The following STC1 variants were observed in gnomAD, a reference collection of about 807,000 sequenced individuals.
STC1 encodes the protein stanniocalcin-1.
A neutral mutation model predicts 22.6 loss-of-function variants in STC1; 7 were observed. The observed-to-expected ratio is 0.31, with a 90% CI of 0.18 to 0.58. The LOEUF (loss-of-function observed/expected upper bound fraction) is 0.58. Ranked by LOEUF, STC1 falls within the 20% of genes least tolerant of loss-of-function variation. STC1 has a pLI of 0.89. For synonymous variants in STC1, 113 were observed against 120.7 expected (o/e 0.94, Z 0.42); for missense variants, 224 against 311.0 (o/e 0.72, Z 2.10).
intron 3 of STC1, among the ~76,000 whole-genome samples, chr8:23,848,529 C>CA (rs796433655): frequency 0.08 from 5,092 of 63,514 alleles, 425 homozygotes; most frequent in Middle Eastern, 0.15. Flanking sequence ...GATACTCTGT[C>CA]AAAAAAAAAA....
Position 23,844,426 on chromosome 8 carries a change from C to T in STC1, c.*344G>A, listed in dbSNP as rs540652480. On this transcript the variant is annotated 3_prime_UTR_variant, in exon 4 of 4. Coordinates refer to ENST00000290271, the MANE Select transcript of STC1 (RefSeq NM_003155.3). ...GGGGCAACCGTTCTAAAGGGATCCA[C>T]ATCTTCAAATTACAATGGCTGGAGA... 97 of 320,676 alleles carry T rather than the reference C, an allele frequency of 3.0e-4. No individual in the cohort carries two copies. The highest frequency in any genetic ancestry group is 2.0e-3 in the African/African-American group (94 of 47,984). The allele number at this position is 320,676 out of a possible 1,614,324, so 19.9% of individuals were successfully genotyped here. A position where few individuals can be genotyped will look rare whatever the true frequency, so the allele number is the denominator to read the frequency against.
At chr8:23,849,516 C>G (rs1280550416) in intron 3 of STC1, among the ~76,000 whole-genome samples, 2 of 151,994 alleles carry the variant, frequency 1.3e-5, no homozygotes, top group African/African-American at 4.8e-5. Flanking sequence ...AAATAAGGCA[C>G]TGATTAGAAG....
Position 23,843,042 on chromosome 8 carries a change from A to G in STC1, c.*1728T>C, listed in dbSNP as rs1802532249. 2.0e-5 allele frequency: 3 copies of G among 152,548 alleles called. No individual in the cohort carries two copies. Among genetic ancestry groups the G allele is most frequent in the Admixed American group, 6.6e-5 (1 of 15,246 alleles). The allele number at this position is 152,548 out of a possible 1,614,324, so 9.4% of individuals were successfully genotyped here. ...GTCAAATCTTGAGTTTAGCCTAGTG[A>G]GAGTCAAGCACCAATAGTTTCTACC... On this transcript the variant is annotated 3_prime_UTR_variant, in exon 4 of 4. Coordinates refer to ENST00000290271, the MANE Select transcript of STC1 (RefSeq NM_003155.3).
chr8:23,853,860 G>A (rs942233173), intron 1 of STC1, among the ~76,000 whole-genome samples: 4 of 152,088 alleles, frequency 2.6e-5, no homozygotes, highest in Non-Finnish European at 5.9e-5. Context: ...CAGGGTTGGG[G>A]GTGGGATGTA....
rs138527093 is a variant in STC1 at position 23,849,796 on chromosome 8, A to T, written c.473+1524T>A. 3.4e-3 allele frequency among the ~76,000 whole-genome samples: 510 copies of T among 152,102 alleles called. 2 individuals carry two copies. The highest frequency in any genetic ancestry group is 7.6e-3 in the Admixed American group (116 of 15,270). On this transcript the variant is annotated intron_variant, in intron 3 of 3. Transcript: ENST00000290271. ...CCACCCCTAACTACCACACAAACAC[A>T]TACTTTGTCCTTAGCCCCTGTCTGG...
In STC1 at chr8:23,854,726, C is replaced by CGCTGCTGCTGCTGCTGCCACCGCCGCT. The variant is rs1280458859; in HGVS notation, c.-230_-204dup. The CGCTGCTGCTGCTGCTGCCACCGCCGCT allele has an allele frequency of 7.6e-6, 5 of 656,670 alleles. No homozygotes were observed. Among genetic ancestry groups the CGCTGCTGCTGCTGCTGCCACCGCCGCT allele is most frequent in the Non-Finnish European group, 1.1e-5 (4 of 355,220 alleles). The allele number at this position is 656,670 out of a possible 1,614,324, so 40.7% of individuals were successfully genotyped here. On this transcript the variant is annotated 5_prime_UTR_variant, in exon 1 of 4. Transcript: ENST00000290271. ...CCTCCGCTGCTGCTGCTGCTGCCGC[C>CGCTGCTGCTGCTGCTGCCACCGCCGCT]GCTGCTGCTGCTGCTGCCACCGCCG...
intron 3 of STC1, among the ~76,000 whole-genome samples, chr8:23,847,837 A>T (rs1161651114): frequency 6.6e-6 from 1 of 152,194 alleles, no homozygotes; most frequent in African/African-American, 2.4e-5. Flanking sequence ...TCCTTTTGGG[A>T]GAGAAAGGAC....
intron 1 of STC1, 110 bp downstream of exon 1, chr8:23,854,296 A>T: frequency 9.3e-7 from 1 of 1,080,592 alleles, no homozygotes; most frequent in Non-Finnish European, 1.4e-6. Flanking sequence ...GCCATCAGGC[A>T]TGAAGCACAT....
At position 23,843,462 on chromosome 8, in the gene STC1, C is replaced by A. The variant is rs975460638; in HGVS notation, c.*1308G>T. On this transcript the variant is annotated 3_prime_UTR_variant, in exon 4 of 4. Coordinates refer to ENST00000290271, the MANE Select transcript of STC1 (RefSeq NM_003155.3). ...TATACTCTCTCAGCCCCAAGTCCCC[C>A]GGACTAAAGACCTAAAGGCTGATTG... is the stretch of plus-strand genomic sequence containing the variant. 1 of 152,594 alleles carries A rather than the reference C, an allele frequency of 6.6e-6. No individual in the cohort carries two copies. Among genetic ancestry groups the A allele is most frequent in the Non-Finnish European group, 1.5e-5 (1 of 68,036 alleles). The allele number at this position is 152,594 out of a possible 1,614,324, so 9.5% of individuals were successfully genotyped here.
At chr8:23,854,336 A>T in intron 1 of STC1, 70 bp downstream of exon 1, 1 of 1,344,794 alleles carries the variant, frequency 7.4e-7, no homozygotes, top group Non-Finnish European at 1.1e-6. Context: ...TCACAGACAC[A>T]GTTGCAAAAG....
intron 3 of STC1, among the ~76,000 whole-genome samples, chr8:23,849,218 G>A (rs140860231): frequency 4.6e-5 from 7 of 152,308 alleles, no homozygotes; most frequent in East Asian, 1.9e-4. Context: ...CTGACTTAGC[G>A]TGTGTCTATG....
chr8:23,851,226 C>T (rs1802633845), intron 3 of STC1, 94 bp downstream of exon 3: 1 of 1,180,886 alleles, frequency 8.5e-7, no homozygotes, highest in Admixed American at 1.7e-5. Flanking sequence ...AAGAGCATGA[C>T]TGTGGCAATT....
At chr8:23,849,512 G>A (rs1256873428) in intron 3 of STC1, among the ~76,000 whole-genome samples, 1 of 152,076 alleles carries the variant, frequency 6.6e-6, no homozygotes, top group African/African-American at 2.4e-5. Context: ...TTGAAAATAA[G>A]GCACTGATTA....
At chr8:23,852,098 G>T in intron 2 of STC1, 144 bp downstream of exon 2, 1 of 874,158 alleles carries the variant, frequency 1.1e-6, no homozygotes, top group Non-Finnish European at 1.8e-6. Context: ...ACACACTTGT[G>T]CATACACATG....
At chr8:23,852,166 T>A (rs1365683791) in intron 2 of STC1, 76 bp downstream of exon 2, 1 of 1,593,822 alleles carries the variant, frequency 6.3e-7, no homozygotes, top group African/African-American at 1.3e-5. Context: ...CCTACAAGAC[T>A]GGTTCCTAAG....
At chr8:23,853,528 GA>G (rs1802663382) in intron 1 of STC1, among the ~76,000 whole-genome samples, 2 of 152,206 alleles carry the variant, frequency 1.3e-5, no homozygotes, top group Admixed American at 1.3e-4. Flanking sequence ...CTTCCAAGGG[GA>G]TCATCATCTG....
intron 3 of STC1, among the ~76,000 whole-genome samples, chr8:23,845,427 G>A (rs1232932731): frequency 6.6e-6 from 1 of 152,068 alleles, no homozygotes; most frequent in East Asian, 1.9e-4. Context: ...AGGTGGATGA[G>A]GTGAAGCAAA....
intron 3 of STC1, among the ~76,000 whole-genome samples, chr8:23,847,741 T>A (rs1211252477): frequency 3.9e-5 from 6 of 152,156 alleles, no homozygotes; most frequent in Admixed American, 3.9e-4. Context: ...CCAGCAAGAG[T>A]TGACTTAGCA....
chr8:23,850,044 G>T (rs1585307084), intron 3 of STC1, among the ~76,000 whole-genome samples: 1 of 152,176 alleles, frequency 6.6e-6, no homozygotes, highest in African/African-American at 2.4e-5. Context: ...CACTTCCAAG[G>T]ACTAGAGAAG....
Sources: allele counts gnomAD v4.1 joint callset (sites outside exome capture counted in the v4.1 genomes callset), GRCh38; gene constraint gnomAD v4.1.1; transcripts MANE v1.5; gene names NCBI Gene and HGNC (gene_info 2026-07-23, HGNC 2026-07-21).